FRMD6: variants seen among roughly 807,000 people sequenced by gnomAD.
FRMD6 encodes the protein FERM domain containing 6, also known as FERM domain-containing protein 6.
FRMD6 carries 37 observed loss-of-function variants against 73.2 expected under a neutral mutation model. The observed-to-expected ratio is 0.51, with a 90% CI of 0.39 to 0.66. The LOEUF is 0.66. Ranked by LOEUF, FRMD6 falls within the 30% of genes least tolerant of loss-of-function variation. The pLI is 0.00. For synonymous variants in FRMD6, 273 were observed against 282.2 expected, an observed-to-expected ratio of 0.97 and a Z score of 0.33; for missense variants, 714 against 780.5, an observed-to-expected ratio of 0.91 and a Z score of 1.02.
At chr14:51,612,350 C>T (rs989738786) in intron 2 of FRMD6, among the ~76,000 whole-genome samples, 1 of 152,202 alleles carries the variant, frequency 6.6e-6, no homozygotes, top group African/African-American at 2.4e-5. Context: ...CACTCCATCT[C>T]TCTGTACAAA....
the FRMD6 span, among the ~76,000 whole-genome samples, chr14:51,407,215 GATTA>G: frequency 6.6e-6 from 1 of 151,790 alleles, no homozygotes; most frequent in Non-Finnish European, 1.5e-5. Context: ...TATTGTATTT[GATTA>G]GCTCATATTT....
intron 1 of FRMD6, among the ~76,000 whole-genome samples, chr14:51,530,442 G>T (rs114048739): frequency 0.045 from 6,854 of 152,190 alleles, 467 homozygotes; most frequent in African/African-American, 0.15. Context: ...AAAGTGTGTT[G>T]CATCTACCTC....
intron 1 of FRMD6, among the ~76,000 whole-genome samples, chr14:51,531,362 C>G (rs1368834852): frequency 2.6e-5 from 4 of 151,946 alleles, no homozygotes; most frequent in Non-Finnish European, 4.4e-5. Flanking sequence ...GTCAAACAAG[C>G]CAAAATTGAG....
chr14:51,706,111 A>T (rs1896610675), intron 6 of FRMD6, among the ~76,000 whole-genome samples: 1 of 152,042 alleles, frequency 6.6e-6, no homozygotes, highest in African/African-American at 2.4e-5. Context: ...TGGGAGTCAT[A>T]CGGAACTCTG....
chr14:51,505,039 G>A (rs1282311840), intron 1 of FRMD6, among the ~76,000 whole-genome samples: 1 of 152,132 alleles, frequency 6.6e-6, no homozygotes, highest in Non-Finnish European at 1.5e-5. Flanking sequence ...TCACTGTCCA[G>A]TTAGGAATTG....
At chr14:51,721,707 G>A (rs1262591233) in intron 11 of FRMD6, among the ~76,000 whole-genome samples, 1 of 134,848 alleles carries the variant, frequency 7.4e-6, no homozygotes, top group Non-Finnish European at 1.6e-5. Flanking sequence ...AGGAAGGAAG[G>A]AAGGAAGGAA....
At chr14:51,587,033 G>T (rs576500878) in intron 2 of FRMD6, among the ~76,000 whole-genome samples, 1 of 152,310 alleles carries the variant, frequency 6.6e-6, no homozygotes, top group African/African-American at 2.4e-5. Context: ...TGGGGTTATG[G>T]CCATGAGCCA....
At chr14:51,716,140 G>A (rs1566592064) in intron 10 of FRMD6, among the ~76,000 whole-genome samples, 1 of 152,250 alleles carries the variant, frequency 6.6e-6, no homozygotes, top group East Asian at 1.9e-4. Context: ...TCATGTCAGG[G>A]TGGGAAAGAA....
intron 1 of FRMD6, among the ~76,000 whole-genome samples, chr14:51,562,039 G>C (rs888355229): frequency 6.6e-6 from 1 of 152,040 alleles, no homozygotes; most frequent in Admixed American, 6.6e-5. Context: ...GATTCCCACC[G>C]TGGCTTTTTT....
At chr14:51,663,943 T>C (rs781105934) in intron 1 of FRMD6, among the ~76,000 whole-genome samples, 17 of 152,202 alleles carry the variant, frequency 1.1e-4, no homozygotes, top group Non-Finnish European at 2.5e-4. Flanking sequence ...AATCCACTCA[T>C]AAGGACTTGA....
chr14:51,582,298 A>G (rs1325473098), intron 2 of FRMD6, among the ~76,000 whole-genome samples: 2 of 152,194 alleles, frequency 1.3e-5, no homozygotes, highest in Non-Finnish European at 2.9e-5. Context: ...GGATGAGAGC[A>G]ATGACCTTGT....
At chr14:51,556,228 A>T (rs1426457101) in intron 1 of FRMD6, among the ~76,000 whole-genome samples, 3 of 152,192 alleles carry the variant, frequency 2.0e-5, no homozygotes, top group Non-Finnish European at 4.4e-5. Flanking sequence ...CTTCCTTTCT[A>T]CCCACAGACA....
chr14:51,720,652 A>T, intron 11 of FRMD6: 1 of 470,494 alleles, frequency 2.1e-6, no homozygotes, highest in African/African-American at 1.9e-5. Context: ...GTAGATTGGA[A>T]ATTAGTCCTG....
Position 51,715,105 on chromosome 14 carries a change from T to A in FRMD6, c.850-220T>A, listed in dbSNP as rs1566590856. The A allele has an allele frequency of 7.9e-6, 3 of 379,470 alleles. No homozygotes were observed. The East Asian group carries it at 1.3e-4, about 16-fold the overall frequency. The allele number at this position is 379,470 out of a possible 1,614,324, so 23.5% of individuals were successfully genotyped here. On this transcript the variant is annotated intron_variant, in intron 9 of 13. Coordinates refer to ENST00000344768, the MANE Select transcript of FRMD6 (RefSeq NM_001267046.2). ...GCTGTTTTGGATAGTCAGTGTTTACTGACAGACCCTTGTGGCTAGATGCTT... is the reference window on the plus strand; with the variant it reads ...GCTGTTTTGGATAGTCAGTGTTTACAGACAGACCCTTGTGGCTAGATGCTT...
the FRMD6 span, among the ~76,000 whole-genome samples, chr14:51,418,227 A>T: frequency 2.0e-5 from 3 of 152,186 alleles, no homozygotes; most frequent in South Asian, 6.2e-4. Flanking sequence ...TTGGAGGAGA[A>T]GAGGCTCTCT....
At chr14:51,516,723 T>C (rs765306669) in intron 1 of FRMD6, among the ~76,000 whole-genome samples, 3 of 152,210 alleles carry the variant, frequency 2.0e-5, no homozygotes, top group Non-Finnish European at 4.4e-5. Context: ...AGCTTATTTA[T>C]TTATTTATTT....
intron 1 of FRMD6, among the ~76,000 whole-genome samples, chr14:51,558,375 G>A (rs1369277796): frequency 1.3e-5 from 2 of 151,964 alleles, no homozygotes; most frequent in Admixed American, 6.6e-5. Context: ...GGCTGAGGCA[G>A]GAGAATCACT....
At chr14:51,699,791 T>G (rs1345866112) in intron 3 of FRMD6, among the ~76,000 whole-genome samples, 1 of 152,062 alleles carries the variant, frequency 6.6e-6, no homozygotes, top group African/African-American at 2.4e-5. Flanking sequence ...CTATTCATTA[T>G]GTTGCTTCTT....
chr14:51,604,574 T>C (rs1171769053), intron 2 of FRMD6, among the ~76,000 whole-genome samples: 2 of 152,052 alleles, frequency 1.3e-5, no homozygotes, highest in African/African-American at 2.4e-5. Flanking sequence ...AAACTAATGA[T>C]AAGTTGGGGG....
Sources: gnomAD v4.1 joint callset for allele counts (sites outside exome capture counted in the v4.1 genomes callset) on GRCh38, gnomAD v4.1.1 for gene constraint, MANE v1.5 for transcripts, NCBI Gene and HGNC (gene_info 2026-07-23, HGNC 2026-07-21) for gene names.